TNNI3K: variants seen among roughly 807,000 people sequenced by gnomAD.
TNNI3K encodes the protein TNNI3 interacting kinase.
A neutral mutation model predicts 114.5 loss-of-function variants in TNNI3K; 140 were observed. That is an observed-to-expected ratio of 1.22 (90% CI 1.07 to 1.41). The LOEUF (loss-of-function observed/expected upper bound fraction) is 1.41. Ranked by LOEUF, TNNI3K falls within the 40% of genes most tolerant of loss-of-function variation. TNNI3K has a pLI of 0.00. For synonymous variants in TNNI3K, 347 were observed against 347.5 expected (o/e 1.00, Z 0.02); for missense variants, 1,125 against 1,007.6 (o/e 1.12, Z -1.58).
At chr1:74,346,750 T>G (rs1009406389) in intron 9 of TNNI3K, among the ~76,000 whole-genome samples, 13 of 151,120 alleles carry the variant, frequency 8.6e-5, no homozygotes, top group South Asian at 2.1e-4. Context: ...CAACAGAAAT[T>G]TATCATCTCA....
intron 9 of TNNI3K, among the ~76,000 whole-genome samples, chr1:74,352,357 G>A (rs190759835): frequency 0.01 from 1,532 of 152,292 alleles, 18 homozygotes; most frequent in Non-Finnish European, 0.014. Context: ...ACCCAGCCGT[G>A]TGAGGTGTCA....
intron 17 of TNNI3K, among the ~76,000 whole-genome samples, chr1:74,405,581 G>T (rs956402469): frequency 6.6e-6 from 1 of 152,108 alleles, no homozygotes; most frequent in Admixed American, 6.6e-5. Context: ...AAGACTTCAT[G>T]ACACAGAGAA....
At chr1:74,263,408 C>A (rs951853973) in intron 4 of TNNI3K, among the ~76,000 whole-genome samples, 3 of 151,882 alleles carry the variant, frequency 2.0e-5, no homozygotes, top group Admixed American at 6.6e-5. Flanking sequence ...ATTCTGAGTG[C>A]TTAGAACAAC....
intron 21 of TNNI3K, chr1:74,480,298 T>C: frequency 2.8e-6 from 2 of 717,728 alleles, no homozygotes; most frequent in Non-Finnish European, 5.2e-6. Flanking sequence ...CTGCCACAGC[T>C]GCGGTAGATG....
At chr1:74,497,525 T>C (rs1669389067) in intron 23 of TNNI3K, among the ~76,000 whole-genome samples, 1 of 151,810 alleles carries the variant, frequency 6.6e-6, no homozygotes, top group Non-Finnish European at 1.5e-5. Flanking sequence ...CTTCTTGTTG[T>C]TTCTACAATC....
At chr1:74,367,201 C>G (rs1662318479) in intron 11 of TNNI3K, 55 bp from the exon 12 acceptor site, 1 of 1,586,600 alleles carries the variant, frequency 6.3e-7, no homozygotes. Flanking sequence ...TGAGAGTAGA[C>G]TGAATAACTT....
chr1:74,479,092 T>G (rs1381660060), intron 21 of TNNI3K, among the ~76,000 whole-genome samples: 3 of 152,170 alleles, frequency 2.0e-5, no homozygotes, highest in Non-Finnish European at 4.4e-5. Context: ...AATAATGATT[T>G]ATAGCACATA....
Position 74,492,306 on chromosome 1 carries a change from T to C in TNNI3K, c.2351+40T>C, listed in dbSNP as rs201476243. On this transcript the variant is annotated intron_variant, in intron 23 of 24. Coordinates refer to ENST00000326637, the MANE Select transcript of TNNI3K (RefSeq NM_015978.3). The stretch of plus-strand genomic sequence containing the variant: ...AAGCAAATCTCACAGTAAAGTCTTA[T>C]TTCAGAATCTTATCAAGACAGTCAA... 15 of 1,444,092 alleles carry C rather than the reference T, an allele frequency of 1.0e-5. No individual in the cohort carries two copies. In the African/African-American group the frequency reaches 1.9e-4, roughly 19 times the overall value. The allele number at this position is 1,444,092 out of a possible 1,614,324, so 89.5% of individuals were successfully genotyped here.
chr1:74,480,729 G>A (rs1044707143), intron 21 of TNNI3K: 7 of 717,358 alleles, frequency 9.8e-6, no homozygotes, highest in Admixed American at 2.0e-5. Flanking sequence ...ACCAGTACCT[G>A]CAGGCTGTGA....
At chr1:74,376,712 CG>C (rs1234405039) in intron 17 of TNNI3K, 1 of 151,670 alleles carries the variant, frequency 6.6e-6, no homozygotes, top group Non-Finnish European at 1.5e-5. Context: ...TATGCTATGC[CG>C]TAGGGGTACA....
intron 17 of TNNI3K, among the ~76,000 whole-genome samples, chr1:74,380,833 C>T (rs954607741): frequency 1.3e-5 from 2 of 152,036 alleles, no homozygotes; most frequent in African/African-American, 4.8e-5. Context: ...CTCACTTGAT[C>T]GTTTTCAACC....
rs182639595 is a variant in TNNI3K at position 74,383,050 on chromosome 1, G to A, written c.1772+12658G>A. ...AAGGAAAGGATTGATTACAGGCTTCGAATTCTTTCTCTTTCTTTAATTTCT... is the reference window on the plus strand; with the variant it reads ...AAGGAAAGGATTGATTACAGGCTTCAAATTCTTTCTCTTTCTTTAATTTCT... On this transcript the variant is annotated intron_variant, in intron 17 of 24. Coordinates refer to ENST00000326637, the MANE Select transcript of TNNI3K (RefSeq NM_015978.3). Among the ~76,000 whole-genome samples, 31 of 151,736 alleles carry A rather than the reference G, an allele frequency of 2.0e-4. No homozygotes were observed. In the East Asian group the frequency reaches 3.7e-3, roughly 18 times the overall value.
chr1:74,303,157 G>A (rs1451578544), intron 5 of TNNI3K, among the ~76,000 whole-genome samples: 1 of 152,080 alleles, frequency 6.6e-6, no homozygotes, highest in Admixed American at 6.5e-5. Flanking sequence ...CTGGATGACA[G>A]CCCATCTGTT....
At chr1:74,411,754 A>G (rs1324457848) in intron 17 of TNNI3K, among the ~76,000 whole-genome samples, 2 of 152,222 alleles carry the variant, frequency 1.3e-5, no homozygotes, top group Non-Finnish European at 1.5e-5. Flanking sequence ...GATATAGATA[A>G]GGTAAGGAGA....
At chr1:74,346,332 C>G (rs1214107910) in intron 9 of TNNI3K, among the ~76,000 whole-genome samples, 1 of 152,062 alleles carries the variant, frequency 6.6e-6, no homozygotes, top group African/African-American at 2.4e-5. Flanking sequence ...AGACTGTGAC[C>G]TGGATTTGAC....
intron 23 of TNNI3K, among the ~76,000 whole-genome samples, chr1:74,528,818 C>G (rs924631309): frequency 6.6e-6 from 1 of 152,178 alleles, no homozygotes; most frequent in South Asian, 2.1e-4. Context: ...GCACCTTGAT[C>G]CTCATTTCCA....
At chr1:74,360,428 C>T (rs957245540) in intron 11 of TNNI3K, among the ~76,000 whole-genome samples, 3 of 152,010 alleles carry the variant, frequency 2.0e-5, no homozygotes, top group Admixed American at 6.6e-5. Flanking sequence ...TCATCATATT[C>T]GCTAGATCAC....
At chr1:74,392,091 A>G (rs759675585) in intron 17 of TNNI3K, among the ~76,000 whole-genome samples, 28 of 148,542 alleles carry the variant, frequency 1.9e-4, no homozygotes, top group Non-Finnish European at 1.0e-4. Context: ...TCAGCCTCCC[A>G]AGTTGACTTC....
At position 74,281,334 on chromosome 1, in the gene TNNI3K, A is replaced by ATGTG. The variant is rs149830701; in HGVS notation, c.444+9650_444+9653dup. Among the ~76,000 whole-genome samples, 1,086 of 147,950 alleles carry ATGTG rather than the reference A, an allele frequency of 7.3e-3. 7 individuals are homozygous for ATGTG. The highest frequency in any genetic ancestry group is 0.025 in the East Asian group (124 of 4,986). Reference sequence around the variant, plus strand: ...ATTATACTATCACCCACAATAATAGATGTGTGTGTGTGTGTGTGTGTGTGT... The same window carrying ATGTG: ...ATTATACTATCACCCACAATAATAGATGTGTGTGTGTGTGTGTGTGTGTGTGTGT... On this transcript the variant is annotated intron_variant, in intron 5 of 24. Transcript: ENST00000326637.
Sources: gnomAD v4.1 joint callset for allele counts (sites outside exome capture counted in the v4.1 genomes callset) on GRCh38, gnomAD v4.1.1 for gene constraint, MANE v1.5 for transcripts, NCBI Gene and HGNC (gene_info 2026-07-23, HGNC 2026-07-21) for gene names.